The following ACTR3C variants were observed in gnomAD, a reference collection of about 807,000 sequenced individuals.
ACTR3C encodes actin related protein 3C.
In ACTR3C, 18 loss-of-function variants were observed where a neutral mutation model predicts 26.3. The observed-to-expected ratio is 0.68, with a 90% CI of 0.47 to 1.01. The LOEUF is 1.01. Ranked by LOEUF, ACTR3C falls within the 50% of genes least tolerant of loss-of-function variation. The probability of loss-of-function intolerance (pLI) is 0.00; values close to 1 mark genes in which losing one functional copy is unlikely to be tolerated. For synonymous variants in ACTR3C, 55 were observed against 94.5 expected (o/e 0.58, Z 2.42); for missense variants, 184 against 250.7 (o/e 0.73, Z 1.80).
At chr7:150,223,478 T>TTTTG in the ACTR3C span, among the ~76,000 whole-genome samples, 23 of 151,504 alleles carry the variant, frequency 1.5e-4, no homozygotes, top group Non-Finnish European at 2.2e-4. Context: ...TGCAGGGTTT[T>TTTTG]TTTGTTTGTT....
chr7:150,062,477 G>C, the ACTR3C span, among the ~76,000 whole-genome samples: 1 of 148,842 alleles, frequency 6.7e-6, no homozygotes, highest in East Asian at 2.0e-4. Context: ...ACCAGTGTTT[G>C]TCACGGTGCC....
the ACTR3C span, among the ~76,000 whole-genome samples, chr7:150,144,270 A>G: frequency 6.6e-6 from 1 of 152,206 alleles, no homozygotes; most frequent in Admixed American, 6.5e-5. This position sits in a 1 kb window ranked among gnomAD's most constrained non-coding sequence, Gnocchi z 4.6. Flanking sequence ...ACTAGAAAAA[A>G]TACCATGTTA....
At chr7:149,988,587 G>T in the ACTR3C span, among the ~76,000 whole-genome samples, 1 of 152,200 alleles carries the variant, frequency 6.6e-6, no homozygotes, top group Non-Finnish European at 1.5e-5. Context: ...AGAGATGACC[G>T]TTGGGCCACT....
At chr7:150,260,434 C>T (rs553305302) in intron 6 of ACTR3C, among the ~76,000 whole-genome samples, 1 of 152,140 alleles carries the variant, frequency 6.6e-6, no homozygotes, top group African/African-American at 2.4e-5. Context: ...GTTTCTTTAC[C>T]TTCATATCTT....
chr7:150,315,747 T>C (rs1204520030), intron 1 of ACTR3C, among the ~76,000 whole-genome samples: 2 of 152,166 alleles, frequency 1.3e-5, no homozygotes, highest in Non-Finnish European at 2.9e-5. Flanking sequence ...GAAGTAAACA[T>C]ACACATGCTT....
At chr7:150,267,339 G>T (rs1291940533) in intron 6 of ACTR3C, among the ~76,000 whole-genome samples, 2 of 152,240 alleles carry the variant, frequency 1.3e-5, no homozygotes, top group Non-Finnish European at 2.9e-5. Flanking sequence ...ACACTTTGTA[G>T]GTTTTAAACT....
chr7:149,935,989 T>C, the ACTR3C span, among the ~76,000 whole-genome samples: 14 of 146,478 alleles, frequency 9.6e-5, no homozygotes, highest in Non-Finnish European at 1.5e-5. Context: ...CCCCCAAAAG[T>C]ATGGAAACTT....
the ACTR3C span, among the ~76,000 whole-genome samples, chr7:150,063,914 T>C: frequency 1.3e-5 from 2 of 152,074 alleles, no homozygotes; most frequent in African/African-American, 4.8e-5. Flanking sequence ...CAGTTGTTTT[T>C]CCATGGACAC....
At chr7:149,960,336 T>C in the ACTR3C span, among the ~76,000 whole-genome samples, 1 of 152,144 alleles carries the variant, frequency 6.6e-6, no homozygotes, top group Admixed American at 6.5e-5. Flanking sequence ...GAAAATGTAC[T>C]GACAACAGAA....
At chr7:150,083,303 C>T in the ACTR3C span, among the ~76,000 whole-genome samples, 1 of 151,830 alleles carries the variant, frequency 6.6e-6, no homozygotes, top group African/African-American at 2.4e-5. Context: ...CGGTGGCTCA[C>T]ATCTGTAATC....
the ACTR3C span, among the ~76,000 whole-genome samples, chr7:150,049,838 T>A: frequency 2.2e-3 from 328 of 152,306 alleles, no homozygotes; most frequent in African/African-American, 7.8e-3. Flanking sequence ...CCCTTTACTA[T>A]GAAGAAACAT....
the ACTR3C span, among the ~76,000 whole-genome samples, chr7:150,163,898 C>T: frequency 6.6e-6 from 1 of 152,164 alleles, no homozygotes; most frequent in East Asian, 1.9e-4. Context: ...AATTCAAATG[C>T]TAATCCCATC....
chr7:149,936,977 A>G, the ACTR3C span, among the ~76,000 whole-genome samples: 1 of 151,552 alleles, frequency 6.6e-6, no homozygotes, highest in Non-Finnish European at 1.5e-5. Flanking sequence ...TTTGGTAGAG[A>G]CGAGATCTCC....
the ACTR3C span, among the ~76,000 whole-genome samples, chr7:149,938,963 A>AAT: frequency 6.8e-6 from 1 of 146,512 alleles, no homozygotes; most frequent in African/African-American, 2.5e-5. Flanking sequence ...ATAAAAATAT[A>AAT]TTATATACAT....
chr7:150,216,414 A>T, the ACTR3C span, among the ~76,000 whole-genome samples: 4 of 150,512 alleles, frequency 2.7e-5, no homozygotes, highest in African/African-American at 1.0e-4. Context: ...TACTTGTGTG[A>T]TTTTTTTCTG....
chr7:149,911,806 A>C, the ACTR3C span, among the ~76,000 whole-genome samples: 2 of 152,178 alleles, frequency 1.3e-5, no homozygotes, highest in East Asian at 3.8e-4. Flanking sequence ...CTTTGGCACC[A>C]CACTGAGTTC....
chr7:149,909,899 A>G, the ACTR3C span, among the ~76,000 whole-genome samples: 2 of 150,644 alleles, frequency 1.3e-5, no homozygotes, highest in African/African-American at 4.9e-5. Context: ...TTTTGCAAAA[A>G]CTTAAAATAT....
At chr7:150,140,155 T>C in the ACTR3C span, among the ~76,000 whole-genome samples, 1 of 152,252 alleles carries the variant, frequency 6.6e-6, no homozygotes, top group Non-Finnish European at 1.5e-5. Context: ...GTATTTCCTA[T>C]GAAAAAATAA....
the ACTR3C span, among the ~76,000 whole-genome samples, chr7:149,923,915 T>G: frequency 6.6e-6 from 1 of 151,840 alleles, no homozygotes; most frequent in Admixed American, 6.6e-5. Flanking sequence ...AAGAACTGCC[T>G]GAACCCAGGA....
Sources: gnomAD v4.1 joint callset for allele counts (sites outside exome capture counted in the v4.1 genomes callset) on GRCh38, gnomAD v4.1.1 for gene constraint, Gnocchi (gnomAD v3.1) non-coding constraint, MANE v1.5 for transcripts, NCBI Gene and HGNC (gene_info 2026-07-23, HGNC 2026-07-21) for gene names.